Variants in BCAR3 observed in about 807,000 individuals in gnomAD.
BCAR3 encodes breast cancer anti-estrogen resistance protein 3.
In BCAR3, 37 loss-of-function variants were observed where a neutral mutation model predicts 80.1. The observed-to-expected ratio is 0.46, with a 90% CI of 0.36 to 0.61. BCAR3 has a LOEUF of 0.61. BCAR3 is among the 20% of genes least tolerant of loss of function. The pLI is 0.00. For missense variants in BCAR3, 978 were observed against 1,068.2 expected, an observed-to-expected ratio of 0.92 and a Z score of 1.18; for synonymous variants, 389 against 418.9, an observed-to-expected ratio of 0.93 and a Z score of 0.87.
chr1:93,845,497 T>TAC (rs1655132720), intron 2 of BCAR3: 1 of 2,752 alleles, frequency 3.6e-4, no homozygotes, highest in African/African-American at 9.7e-4. Flanking sequence ...TATATATATA[T>TAC]ATATAAAACT....
intron 1 of BCAR3, among the ~76,000 whole-genome samples, chr1:93,679,930 C>A (rs1268081792): frequency 6.6e-6 from 1 of 152,188 alleles, no homozygotes; most frequent in Non-Finnish European, 1.5e-5. Context: ...ATTTTAAACT[C>A]TGGAAATGTA....
intron 2 of BCAR3, among the ~76,000 whole-genome samples, chr1:93,738,887 A>G (rs897848778): frequency 6.6e-6 from 1 of 152,162 alleles, no homozygotes; most frequent in African/African-American, 2.4e-5. Flanking sequence ...CAGGTGAACA[A>G]AGGATAACCT....
At position 93,592,529 on chromosome 1, in the gene BCAR3, AT is replaced by A; in HGVS notation, c.358-137del. On this transcript the variant is annotated intron_variant, in intron 3 of 11. Coordinates refer to ENST00000260502, the MANE Select transcript of BCAR3 (RefSeq NM_003567.4). The surrounding 1 kb of genome is among the most constrained non-coding windows in gnomAD (Gnocchi z 4.8). The stretch of plus-strand genomic sequence containing the variant: ...TTCAGGTAGGGGAGCCTGGATAATG[AT>A]TACAAAGAGCTGTGACCTTTCGTTT... The A allele has an allele frequency of 8.2e-7, 1 of 1,225,800 alleles. No individual in the cohort carries two copies. The highest frequency in any genetic ancestry group is 1.1e-6 in the Non-Finnish European group (1 of 898,114). 75.9% of individuals were successfully genotyped at this position (1,225,800 alleles called of 1,614,324 possible). A position where few individuals can be genotyped will look rare whatever the true frequency, so the allele number is the denominator to read the frequency against.
intron 2 of BCAR3, among the ~76,000 whole-genome samples, chr1:93,759,438 C>T (rs1266678269): frequency 6.6e-6 from 1 of 152,172 alleles, no homozygotes; most frequent in Non-Finnish European, 1.5e-5. Flanking sequence ...TGCCAGACAG[C>T]ACCAGAGGTG....
chr1:93,809,993 G>C (rs1653777607), intron 2 of BCAR3, among the ~76,000 whole-genome samples: 2 of 151,786 alleles, frequency 1.3e-5, no homozygotes, highest in Admixed American at 6.6e-5. Context: ...CTGAGGTCAG[G>C]AGTTCGAGAC....
intron 2 of BCAR3, among the ~76,000 whole-genome samples, chr1:93,666,482 C>A (rs1226865977): frequency 1.3e-5 from 2 of 152,168 alleles, no homozygotes; most frequent in African/African-American, 4.8e-5. Context: ...CCTTGTACCT[C>A]CTCATTTTGT....
At chr1:93,783,377 C>T (rs12130680) in intron 2 of BCAR3, among the ~76,000 whole-genome samples, 20,514 of 152,136 alleles carry the variant, frequency 0.13, 2,166 homozygotes, top group African/African-American at 0.28. Flanking sequence ...TGCTAAATGC[C>T]TCTGACATTG....
chr1:93,650,620 G>T (rs1676292531), intron 2 of BCAR3, among the ~76,000 whole-genome samples: 1 of 152,062 alleles, frequency 6.6e-6, no homozygotes, highest in African/African-American at 2.4e-5. Flanking sequence ...ACAGAGCAAA[G>T]GTGAAATTTA....
intron 3 of BCAR3, among the ~76,000 whole-genome samples, chr1:93,694,445 T>C (rs913730507): frequency 1.3e-5 from 2 of 152,154 alleles, no homozygotes; most frequent in Non-Finnish European, 2.9e-5. Context: ...GCATCCAAAA[T>C]GTGAGTCCTC....
chr1:93,624,089 CT>C (rs1675389427), intron 3 of BCAR3, among the ~76,000 whole-genome samples: 1 of 152,198 alleles, frequency 6.6e-6, no homozygotes, highest in South Asian at 2.1e-4. Flanking sequence ...TACTGTGCCA[CT>C]GGTGTAGGGG....
At chr1:93,845,144 C>T (rs1655103203) in intron 2 of BCAR3, among the ~76,000 whole-genome samples, 1 of 151,930 alleles carries the variant, frequency 6.6e-6, no homozygotes, top group African/African-American at 2.4e-5. Flanking sequence ...ATACGCATCT[C>T]AACTGTCACT....
At chr1:93,632,690 A>G (rs1470615596) in intron 3 of BCAR3, among the ~76,000 whole-genome samples, 1 of 152,230 alleles carries the variant, frequency 6.6e-6, no homozygotes, top group Non-Finnish European at 1.5e-5. Flanking sequence ...CTGTGTTCCA[A>G]TAAAACTATG....
chr1:93,652,575 C>G (rs1460771512), intron 2 of BCAR3, among the ~76,000 whole-genome samples: 1 of 152,116 alleles, frequency 6.6e-6, no homozygotes, highest in East Asian at 1.9e-4. Flanking sequence ...CCACAGATTT[C>G]TATTCTCTAA....
At chr1:93,672,869 G>A (rs1210019373) in intron 2 of BCAR3, among the ~76,000 whole-genome samples, 4 of 152,224 alleles carry the variant, frequency 2.6e-5, no homozygotes, top group African/African-American at 7.2e-5. Flanking sequence ...TTATGGAACT[G>A]AGAATAATTC....
chr1:93,591,168 T>TAAAAAAAAAAA lies in BCAR3; in HGVS notation c.486+1086_486+1096dup, dbSNP rs35143036. 4.5e-5 allele frequency among the ~76,000 whole-genome samples: 3 copies of TAAAAAAAAAAA among 66,330 alleles called. 1 individual carries two copies. Among genetic ancestry groups the TAAAAAAAAAAA allele is most frequent in the African/African-American group, 2.5e-4 (3 of 11,854 alleles). 43.5% of individuals were successfully genotyped at this position (66,330 alleles called of 152,430 possible). A position where few individuals can be genotyped will look rare whatever the true frequency, so the allele number is the denominator to read the frequency against. On this transcript the variant is annotated intron_variant, in intron 4 of 11. Transcript: ENST00000260502. Reference sequence around the variant, plus strand: ...GATTGTGCCAAGAAATCTACTACATTAAAAAAAAAAAAAAAAAAAAAAAAG... The same window carrying TAAAAAAAAAAA: ...GATTGTGCCAAGAAATCTACTACATTAAAAAAAAAAAAAAAAAAAAAAAAAAAAAAAAAAAG...
chr1:93,707,729 A>C (rs980823613), intron 2 of BCAR3, among the ~76,000 whole-genome samples: 1 of 152,126 alleles, frequency 6.6e-6, no homozygotes, highest in Non-Finnish European at 1.5e-5. Context: ...AATAATAATA[A>C]TAGCTCTGAC....
intron 2 of BCAR3, among the ~76,000 whole-genome samples, chr1:93,724,070 G>A (rs1283908840): frequency 6.6e-6 from 1 of 152,180 alleles, no homozygotes; most frequent in Non-Finnish European, 1.5e-5. Context: ...TGAACAGGTT[G>A]GGGGGCAACA....
rs574088532 is a variant in BCAR3 at position 93,711,875 on chromosome 1, T to C, written c.-62-5733A>G. On this transcript the variant is annotated intron_variant, in intron 2 of 13. Coordinates refer to the BCAR3 transcript ENST00000370244. ...GCAAAACATGGACATTGCATAGAAC[T>C]CTACTAGATGATGAAAAAAATGCAA... 1.6e-4 allele frequency among the ~76,000 whole-genome samples: 25 copies of C among 152,272 alleles called. 1 individual carries two copies. Among genetic ancestry groups the C allele is most frequent in the African/African-American group, 5.5e-4 (23 of 41,548 alleles).
intron 3 of BCAR3, among the ~76,000 whole-genome samples, chr1:93,638,736 A>C (rs1424621149): frequency 6.6e-6 from 1 of 152,180 alleles, no homozygotes; most frequent in African/African-American, 2.4e-5. Context: ...ACCTGGAAGA[A>C]ATCTTTCCTT....
Sources: gnomAD v4.1 joint callset for allele counts (sites outside exome capture counted in the v4.1 genomes callset) on GRCh38, gnomAD v4.1.1 for gene constraint, Gnocchi (gnomAD v3.1) non-coding constraint, MANE v1.5 for transcripts, NCBI Gene and HGNC (gene_info 2026-07-23, HGNC 2026-07-21) for gene names.